Variants in ELFN2 observed in about 807,000 individuals in gnomAD.
ELFN2 encodes the protein protein phosphatase 1 regulatory subunit 29.
Under a neutral mutation model 45.5 loss-of-function variants are expected in ELFN2, and 17 were observed. The ratio of observed to expected loss-of-function variants is 0.37; its 90% CI spans 0.26 to 0.56. ELFN2 has a LOEUF of 0.56. Among genes scored for constraint, ELFN2 ranks in the 20% least tolerant of loss-of-function variants. ELFN2 has a pLI of 0.77. For missense variants in ELFN2, 922 were observed against 1,183.2 expected, an observed-to-expected ratio of 0.78 and a Z score of 3.24; for synonymous variants, 550 against 551.5, an observed-to-expected ratio of 1.00 and a Z score of 0.04.
At chr22:37,358,949 C>T (rs1931014665) in intron 1 of ELFN2, among the ~76,000 whole-genome samples, 1 of 152,106 alleles carries the variant, frequency 6.6e-6, no homozygotes, top group Non-Finnish European at 1.5e-5. Context: ...CAGGGGACTG[C>T]CACTTACATA....
At chr22:37,381,443 C>T (rs1006601792) in intron 2 of ELFN2, among the ~76,000 whole-genome samples, 1 of 152,120 alleles carries the variant, frequency 6.6e-6, no homozygotes, top group African/African-American at 2.4e-5. Flanking sequence ...GCACACTCCC[C>T]ACCCCAGGAC....
chr22:37,381,124 C>T (rs902054629), intron 2 of ELFN2, among the ~76,000 whole-genome samples: 8 of 152,160 alleles, frequency 5.3e-5, no homozygotes, highest in Non-Finnish European at 1.2e-4. Flanking sequence ...CAGTCATATA[C>T]CCCTTATCCA....
intron 2 of ELFN2, among the ~76,000 whole-genome samples, chr22:37,380,660 C>T (rs1432222582): frequency 6.6e-6 from 1 of 152,166 alleles, no homozygotes; most frequent in Non-Finnish European, 1.5e-5. Context: ...GTGTCATTGT[C>T]ACCATCCGTG....
intron 2 of ELFN2, among the ~76,000 whole-genome samples, chr22:37,387,327 C>T (rs561893276): frequency 6.6e-6 from 1 of 152,246 alleles, no homozygotes; most frequent in South Asian, 2.1e-4. Context: ...CAGCTGTGGT[C>T]CTTTGAAAAT....
intron 1 of ELFN2, among the ~76,000 whole-genome samples, chr22:37,356,906 C>T (rs185060747): frequency 1.3e-5 from 2 of 152,222 alleles, no homozygotes; most frequent in Admixed American, 6.5e-5. Flanking sequence ...TTGGAAAGTT[C>T]ATTGTCTTGT....
chr22:37,385,529 AGG>A (rs1931924588), intron 2 of ELFN2, among the ~76,000 whole-genome samples: 1 of 152,188 alleles, frequency 6.6e-6, no homozygotes, highest in South Asian at 2.1e-4. Flanking sequence ...GCGTCCCCGG[AGG>A]CACAGCAGTG....
At chr22:37,405,988 A>G (rs960521800) in intron 2 of ELFN2, among the ~76,000 whole-genome samples, 9 of 152,016 alleles carry the variant, frequency 5.9e-5, no homozygotes, top group South Asian at 2.1e-4. Context: ...AAGTTTTTTA[A>G]AAACTTAGCT....
At chr22:37,342,873 G>A (rs1435231685) in intron 1 of ELFN2, among the ~76,000 whole-genome samples, 3 of 152,158 alleles carry the variant, frequency 2.0e-5, no homozygotes, top group African/African-American at 7.2e-5. Context: ...GCCCAGACAG[G>A]TAGATCTGTT....
At chr22:37,376,845 T>A (rs1454052388) in intron 2 of ELFN2, among the ~76,000 whole-genome samples, 1 of 152,106 alleles carries the variant, frequency 6.6e-6, no homozygotes, top group Non-Finnish European at 1.5e-5. Flanking sequence ...CCTTCTGGAG[T>A]AGCACGGCTG....
At chr22:37,384,462 T>G (rs886799171) in intron 2 of ELFN2, among the ~76,000 whole-genome samples, 1 of 149,992 alleles carries the variant, frequency 6.7e-6, no homozygotes, top group Non-Finnish European at 1.5e-5. Flanking sequence ...CTCCCCTGGA[T>G]CCCACCTCCC....
At chr22:37,359,243 A>T (rs1931023335) in intron 1 of ELFN2, among the ~76,000 whole-genome samples, 1 of 152,160 alleles carries the variant, frequency 6.6e-6, no homozygotes, top group African/African-American at 2.4e-5. Flanking sequence ...AAGGAGAGTA[A>T]CCAAGTTTGG....
intron 1 of ELFN2, among the ~76,000 whole-genome samples, chr22:37,418,505 TCTCCCCAGTCA>T (rs1932783227): frequency 6.6e-6 from 1 of 151,182 alleles, no homozygotes. Context: ...CCTGGAGGTG[TCTCCCCAGTCA>T]CACCCCAGTC....
chr22:37,382,289 T>G (rs924815339), intron 2 of ELFN2, among the ~76,000 whole-genome samples: 2 of 82,712 alleles, frequency 2.4e-5, no homozygotes, highest in African/African-American at 8.1e-5. Flanking sequence ...AAGCTACTGG[T>G]TCTCCTTTTT....
At chr22:37,420,652 C>G (rs1446387279) in intron 1 of ELFN2, among the ~76,000 whole-genome samples, 2 of 152,240 alleles carry the variant, frequency 1.3e-5, no homozygotes, top group Non-Finnish European at 2.9e-5. Context: ...CAGCCTCGAA[C>G]CCGTGACCGC....
chr22:37,404,760 G>C (rs1470433698), intron 2 of ELFN2, among the ~76,000 whole-genome samples: 1 of 152,168 alleles, frequency 6.6e-6, no homozygotes, highest in Non-Finnish European at 1.5e-5. Context: ...AGTGGATGCT[G>C]GTGCTCAGGA....
chr22:37,381,776 G>A (rs1055226007), intron 2 of ELFN2, among the ~76,000 whole-genome samples: 6 of 151,922 alleles, frequency 3.9e-5, no homozygotes, highest in African/African-American at 1.5e-4. Context: ...GCTGTGTGGA[G>A]TGAGAGCTCC....
At chr22:37,359,335 G>A (rs1931025278) in intron 1 of ELFN2, among the ~76,000 whole-genome samples, 1 of 151,584 alleles carries the variant, frequency 6.6e-6, no homozygotes, top group South Asian at 2.1e-4. Context: ...CACTGGCCTG[G>A]TCCTTCTTGG....
intron 2 of ELFN2, among the ~76,000 whole-genome samples, chr22:37,391,604 G>A (rs1932088998): frequency 6.6e-6 from 1 of 152,154 alleles, no homozygotes; most frequent in African/African-American, 2.4e-5. Flanking sequence ...CAGCACCCAT[G>A]ACTCCCCAGA....
At chr22:37,344,785 T>C (rs1268997962) in intron 1 of ELFN2, among the ~76,000 whole-genome samples, 1 of 152,048 alleles carries the variant, frequency 6.6e-6, no homozygotes. Context: ...ACCATGCGCA[T>C]CCCCTCTGCC....
Sources: gnomAD v4.1 joint callset for allele counts (sites outside exome capture counted in the v4.1 genomes callset) on GRCh38, gnomAD v4.1.1 for gene constraint, MANE v1.5 for transcripts, NCBI Gene and HGNC (gene_info 2026-07-23, HGNC 2026-07-21) for gene names.